The following LRRC49 variants were observed in gnomAD, a reference collection of about 807,000 sequenced individuals.
LRRC49 encodes the protein leucine-rich repeat-containing protein 49.
A neutral mutation model predicts 83.3 loss-of-function variants in LRRC49; 50 were observed. That is an observed-to-expected ratio of 0.60 (90% CI 0.48 to 0.76). The LOEUF (loss-of-function observed/expected upper bound fraction) is 0.76. Among genes scored for constraint, LRRC49 ranks in the 30% least tolerant of loss-of-function variants. The pLI is 0.00. For synonymous variants in LRRC49, 286 were observed against 283.3 expected (o/e 1.01, Z -0.10); for missense variants, 704 against 809.1 (o/e 0.87, Z 1.58).
At chr15:70,934,958 A>G (rs1445180064) in intron 7 of LRRC49, among the ~76,000 whole-genome samples, 1 of 152,214 alleles carries the variant, frequency 6.6e-6, no homozygotes, top group East Asian at 1.9e-4. Context: ...GATAGGCAGC[A>G]GGCTGCCATT....
chr15:71,012,380 C>A lies in LRRC49; in HGVS notation c.1594-424C>A, dbSNP rs1049374256. ...AGGGACAAAATTATCCCTATAGGAGCAAGGTATGACCAACACCTTGGCTTA... is the reference window on the plus strand; with the variant it reads ...AGGGACAAAATTATCCCTATAGGAGAAAGGTATGACCAACACCTTGGCTTA... On this transcript the variant is annotated intron_variant, in intron 13 of 15. Coordinates refer to ENST00000260382, the MANE Select transcript of LRRC49 (RefSeq NM_017691.5). Among the ~76,000 whole-genome samples, 4 of 151,818 alleles carry A rather than the reference C, an allele frequency of 2.6e-5. No homozygotes were observed. The East Asian group carries it at 7.8e-4, about 30-fold the overall frequency.
chr15:70,968,844 G>C (rs1308740185), intron 9 of LRRC49, among the ~76,000 whole-genome samples: 1 of 152,034 alleles, frequency 6.6e-6, no homozygotes, highest in Non-Finnish European at 1.5e-5. Flanking sequence ...TTTCTTTCTT[G>C]TAAATTTGTT....
chr15:70,853,481 C>T lies in LRRC49; in HGVS notation c.-299+12C>T, dbSNP rs575274978. 6.7e-4 allele frequency: 106 copies of T among 158,278 alleles called. 1 individual carries two copies. Among genetic ancestry groups the T allele is most frequent in the African/African-American group, 2.4e-3 (100 of 41,836 alleles). The allele number at this position is 158,278 out of a possible 1,614,324, so 9.8% of individuals were successfully genotyped here. On this transcript the variant is annotated intron_variant, in intron 1 of 16. Transcript: ENST00000544974. ...GATGGCAGTGAAGGGTAAGCGGGACCACTCGCAAGGGGAGGGGAAGGCGGG... is the reference window on the plus strand; with the variant it reads ...GATGGCAGTGAAGGGTAAGCGGGACTACTCGCAAGGGGAGGGGAAGGCGGG...
At chr15:70,962,165 A>C (rs991605418) in intron 8 of LRRC49, among the ~76,000 whole-genome samples, 7 of 152,210 alleles carry the variant, frequency 4.6e-5, no homozygotes, top group African/African-American at 1.4e-4. Context: ...ATAATTAAGT[A>C]AATGGAGAGT....
intron 8 of LRRC49, among the ~76,000 whole-genome samples, chr15:70,937,511 C>T (rs565961127): frequency 6.6e-6 from 1 of 152,190 alleles, no homozygotes; most frequent in Non-Finnish European, 1.5e-5. Context: ...TTAATGCCCT[C>T]AGTTCTTTAG....
At chr15:70,921,589 A>T (rs2035008453) in intron 7 of LRRC49, among the ~76,000 whole-genome samples, 1 of 152,214 alleles carries the variant, frequency 6.6e-6, no homozygotes, top group Non-Finnish European at 1.5e-5. Context: ...CCCAGCATGG[A>T]GTAAGATGGC....
At chr15:71,000,436 C>A (rs931343756) in intron 11 of LRRC49, among the ~76,000 whole-genome samples, 5 of 152,112 alleles carry the variant, frequency 3.3e-5, no homozygotes, top group African/African-American at 1.2e-4. Flanking sequence ...AACTGGTAAA[C>A]AGTATTTAAG....
At chr15:70,989,437 C>G (rs1345563624) in intron 11 of LRRC49, among the ~76,000 whole-genome samples, 2 of 152,174 alleles carry the variant, frequency 1.3e-5, no homozygotes, top group African/African-American at 4.8e-5. Context: ...GCTCCTGAGG[C>G]TTCTGCATTC....
intron 6 of LRRC49, among the ~76,000 whole-genome samples, chr15:70,914,061 T>TAACTGGA (rs2034660484): frequency 4.0e-5 from 6 of 151,896 alleles, no homozygotes; most frequent in Admixed American, 6.5e-5. Flanking sequence ...CTTCCAGTTA[T>TAACTGGA]AGAACCTTGA....
chr15:70,891,567 C>CTGTGTGTGTGTGTGTGTGTGTGTGTGTG (rs3220843), upstream of LRRC49, among the ~76,000 whole-genome samples: 2 of 137,050 alleles, frequency 1.5e-5, no homozygotes, highest in Admixed American at 1.5e-4. Context: ...GGACAAGACT[C>CTGTGTGTGTGTGTGTGTGTGTGTGTGTG]TGTGTGTGTG....
intron 1 of LRRC49, chr15:70,858,937 C>T: frequency 1.3e-6 from 1 of 796,630 alleles, no homozygotes; most frequent in Non-Finnish European, 2.3e-6. Context: ...CTGCTGAGCC[C>T]TCTTAACCTG....
Position 71,049,813 on chromosome 15 carries a change from G to A in LRRC49, c.*201G>A. ...AGGAGAAAGGAAGGATTAATTGCCT[G>A]TATGTGAGGACCAAACAACCTTTGG... On this transcript the variant is annotated 3_prime_UTR_variant, in exon 16 of 16. Transcript: ENST00000260382. 1 of 511,928 alleles carries A rather than the reference G, an allele frequency of 2.0e-6. No individual in the cohort carries two copies. The highest frequency in any genetic ancestry group is 3.4e-6 in the Non-Finnish European group (1 of 292,242). The allele number at this position is 511,928 out of a possible 1,614,324, so 31.7% of individuals were successfully genotyped here. A position where few individuals can be genotyped will look rare whatever the true frequency, so the allele number is the denominator to read the frequency against.
Position 71,009,993 on chromosome 15 carries a change from G to A in LRRC49, c.1593+1G>A. 6.4e-7 allele frequency: 1 copy of A among 1,559,064 alleles called. No individual in the cohort carries two copies. The highest frequency in any genetic ancestry group is 8.7e-7 in the Non-Finnish European group (1 of 1,148,112). On this transcript the variant is annotated splice_donor_variant, in intron 13 of 15. Coordinates refer to ENST00000260382, the MANE Select transcript of LRRC49 (RefSeq NM_017691.5). LOFTEE classifies it high-confidence loss of function. ...TATGCAGAAAATAAATGGAACAGAG[G>A]TAAGCTAAAAACTAGATGAACTATA... is the stretch of plus-strand genomic sequence containing the variant.
At chr15:70,943,069 A>G (rs1225854337) in intron 8 of LRRC49, among the ~76,000 whole-genome samples, 1 of 151,830 alleles carries the variant, frequency 6.6e-6, no homozygotes, top group Non-Finnish European at 1.5e-5. Flanking sequence ...TTTTGATTGT[A>G]TTCTGGGCAT....
At chr15:70,880,935 TA>T (rs1266705899) in intron 2 of LRRC49, among the ~76,000 whole-genome samples, 2 of 152,174 alleles carry the variant, frequency 1.3e-5, no homozygotes, top group African/African-American at 4.8e-5. Flanking sequence ...AATGCTCTCT[TA>T]AAACAGGCCA....
intron 7 of LRRC49, among the ~76,000 whole-genome samples, chr15:70,935,586 G>A (rs556701030): frequency 5.2e-4 from 79 of 152,242 alleles, no homozygotes; most frequent in African/African-American, 1.9e-3. Flanking sequence ...GAAGAAAGAC[G>A]ATGATTTATG....
intron 11 of LRRC49, among the ~76,000 whole-genome samples, chr15:71,006,082 G>A (rs1442223883): frequency 1.7e-4 from 26 of 152,130 alleles, no homozygotes; most frequent in Non-Finnish European, 8.8e-5. Flanking sequence ...CAGCCCAGGA[G>A]ACTTGCCGTT....
intron 1 of LRRC49, among the ~76,000 whole-genome samples, chr15:70,855,282 C>T (rs1169293887): frequency 1.3e-5 from 2 of 150,764 alleles, no homozygotes; most frequent in East Asian, 3.9e-4. Flanking sequence ...TTGTGGTGAG[C>T]CGAGATTGTG....
At chr15:70,974,665 CT>C (rs2037140914) in intron 9 of LRRC49, among the ~76,000 whole-genome samples, 1 of 151,606 alleles carries the variant, frequency 6.6e-6, no homozygotes, top group South Asian at 2.1e-4. Context: ...ATCTGGCAGC[CT>C]GCTTTTTGTA....
Sources: gnomAD v4.1 joint callset for allele counts (sites outside exome capture counted in the v4.1 genomes callset) on GRCh38, gnomAD v4.1.1 for gene constraint, MANE v1.5 for transcripts, NCBI Gene and HGNC (gene_info 2026-07-23, HGNC 2026-07-21) for gene names.